The following CASQ2 variants were observed in gnomAD, a reference collection of about 807,000 sequenced individuals.
CASQ2 encodes the protein calsequestrin 2, also known as calsequestrin-2.
CASQ2 carries 49 observed loss-of-function variants against 46.5 expected under a neutral mutation model. The ratio of observed to expected loss-of-function variants is 1.05; its 90% CI spans 0.84 to 1.34. The LOEUF is 1.34. CASQ2 is among the 40% of genes most tolerant of loss of function. The pLI is 0.00. For synonymous variants in CASQ2, 174 were observed against 168.5 expected, an observed-to-expected ratio of 1.03 and a Z score of -0.25; for missense variants, 486 against 481.3, an observed-to-expected ratio of 1.01 and a Z score of -0.09.
At chr1:115,732,761 T>C (rs1647831369) in intron 5 of CASQ2, 140 bp downstream of exon 5, 1 of 691,988 alleles carries the variant, frequency 1.4e-6, no homozygotes, top group Non-Finnish European at 2.7e-6. Context: ...GATTTAGTGA[T>C]ATAATTCTTA....
In CASQ2 at chr1:115,762,852, C is replaced by T. The variant is rs1322460166; in HGVS notation, c.234+5456G>A. ...AGGTAGAAGGGGAAGAGGAAGGAGT[C>T]GATGATTCCTCATCCCAGGCTGGGT... On this transcript the variant is annotated intron_variant, in intron 1 of 10. Coordinates refer to ENST00000261448, the MANE Select transcript of CASQ2 (RefSeq NM_001232.4). Among the ~76,000 whole-genome samples, 6 of 152,044 alleles carry T rather than the reference C, an allele frequency of 3.9e-5. No individual in the cohort carries two copies. In the East Asian group the frequency reaches 1.2e-3, roughly 29 times the overall value.
intron 7 of CASQ2, among the ~76,000 whole-genome samples, chr1:115,721,278 G>A (rs1425928702): frequency 6.6e-6 from 1 of 152,130 alleles, no homozygotes; most frequent in Non-Finnish European, 1.5e-5. Context: ...TCTCCAGGGG[G>A]AATGACAGAT....
At chr1:115,720,601 T>C (rs903720983) in intron 7 of CASQ2, among the ~76,000 whole-genome samples, 2 of 152,168 alleles carry the variant, frequency 1.3e-5, no homozygotes, top group African/African-American at 4.8e-5. Flanking sequence ...GGCTCTTAAG[T>C]TGAAAGAGGC....
At chr1:115,706,209 C>A (rs1436480816) in intron 8 of CASQ2, among the ~76,000 whole-genome samples, 1 of 151,876 alleles carries the variant, frequency 6.6e-6, no homozygotes, top group Admixed American at 6.6e-5. Flanking sequence ...TGTGTGTGCA[C>A]GCGTGCATGT....
At chr1:115,711,292 G>C (rs1437419436) in intron 8 of CASQ2, among the ~76,000 whole-genome samples, 2 of 152,184 alleles carry the variant, frequency 1.3e-5, no homozygotes, top group Non-Finnish European at 2.9e-5. Flanking sequence ...GTGGCAGGTG[G>C]ACAGATAAAC....
At position 115,738,354 on chromosome 1, in the gene CASQ2, AT is replaced by A; in HGVS notation, c.421-20del. On this transcript the variant is annotated intron_variant, in intron 3 of 10. Coordinates refer to ENST00000261448, the MANE Select transcript of CASQ2 (RefSeq NM_001232.4). ...CAATTAGCTGAAATGCCACACGCAC[AT>A]ACACACATGTTCAAACAAGAGATTT... 7.2e-7 allele frequency: 1 copy of A among 1,393,584 alleles called. No homozygotes were observed. The highest frequency in any genetic ancestry group is 1.7e-5 in the Admixed American group (1 of 59,734). 86.3% of individuals were successfully genotyped at this position (1,393,584 alleles called of 1,614,324 possible).
chr1:115,718,156 C>G (rs1019526396), intron 7 of CASQ2, among the ~76,000 whole-genome samples: 1 of 152,170 alleles, frequency 6.6e-6, no homozygotes. Context: ...ACCAACCACA[C>G]GCAAGACATT....
Position 115,701,107 on chromosome 1 carries a change from A to G in CASQ2, c.*134T>C. Reference sequence around the variant, plus strand: ...ATGATGCTGCTCCTGACGCAAAGGGAGTGGGAAAAGAGATGATGGAAAAGG... The same window carrying G: ...ATGATGCTGCTCCTGACGCAAAGGGGGTGGGAAAAGAGATGATGGAAAAGG... On this transcript the variant is annotated 3_prime_UTR_variant, in exon 11 of 11. Transcript: ENST00000261448. The G allele has an allele frequency of 7.5e-7, 1 of 1,337,578 alleles. No homozygotes were observed. The highest frequency in any genetic ancestry group is 1.1e-6 in the Non-Finnish European group (1 of 931,924). 82.9% of individuals were successfully genotyped at this position (1,337,578 alleles called of 1,614,324 possible). A position where few individuals can be genotyped will look rare whatever the true frequency, so the allele number is the denominator to read the frequency against.
At chr1:115,723,154 G>T (rs1647442648) in intron 7 of CASQ2, among the ~76,000 whole-genome samples, 1 of 151,888 alleles carries the variant, frequency 6.6e-6, no homozygotes, top group Non-Finnish European at 1.5e-5. Flanking sequence ...TTTTTCTTTT[G>T]CAGTAAAGGA....
intron 2 of CASQ2, among the ~76,000 whole-genome samples, chr1:115,742,266 CGT>C (rs1648210866): frequency 2.0e-5 from 3 of 151,624 alleles, no homozygotes; most frequent in Non-Finnish European, 4.4e-5. Flanking sequence ...CATGAGACAC[CGT>C]GTCTGGCCCT....
chr1:115,725,705 A>C, intron 6 of CASQ2, 152 bp from the exon 7 acceptor site: 4 of 996,142 alleles, frequency 4.0e-6, no homozygotes, highest in Non-Finnish European at 5.9e-6. Flanking sequence ...TTATCTTCTA[A>C]GGAAACAGAC....
Position 115,758,332 on chromosome 1 carries a change from C to T in CASQ2, c.234+9976G>A, listed in dbSNP as rs1000937735. Among the ~76,000 whole-genome samples, 7 of 152,328 alleles carry T rather than the reference C, an allele frequency of 4.6e-5. No homozygotes were observed. The South Asian group carries it at 1.5e-3, about 32-fold the overall frequency. Reference sequence around the variant, plus strand: ...ATATTGGCATGGTTTATGGTAAGTTCATAATATGTGCTTCTCCCTTCTCCT... The same window carrying T: ...ATATTGGCATGGTTTATGGTAAGTTTATAATATGTGCTTCTCCCTTCTCCT... On this transcript the variant is annotated intron_variant, in intron 1 of 10. Transcript: ENST00000261448.
chr1:115,716,880 T>C (rs1167660641), intron 8 of CASQ2, among the ~76,000 whole-genome samples: 2 of 152,158 alleles, frequency 1.3e-5, no homozygotes, highest in Non-Finnish European at 2.9e-5. Flanking sequence ...AAAAGTGATA[T>C]GGTTTGGATC....
chr1:115,754,533 C>G (rs920609823), intron 1 of CASQ2, among the ~76,000 whole-genome samples: 1 of 152,156 alleles, frequency 6.6e-6, no homozygotes, highest in African/African-American at 2.4e-5. Flanking sequence ...CTACAAAACC[C>G]TCATGAGGTA....
chr1:115,744,435 G>T (rs971469708), intron 2 of CASQ2, among the ~76,000 whole-genome samples: 3 of 152,182 alleles, frequency 2.0e-5, no homozygotes, highest in Admixed American at 6.5e-5. Flanking sequence ...TGCTTCAGCC[G>T]CAAGGCAACG....
At chr1:115,715,448 G>A (rs1413629800) in intron 8 of CASQ2, among the ~76,000 whole-genome samples, 1 of 152,188 alleles carries the variant, frequency 6.6e-6, no homozygotes, top group East Asian at 1.9e-4. Flanking sequence ...AGTGAAAGAT[G>A]CCACACACAA....
chr1:115,754,257 C>T (rs544073863), intron 1 of CASQ2, among the ~76,000 whole-genome samples: 3 of 152,242 alleles, frequency 2.0e-5, no homozygotes, highest in South Asian at 2.1e-4. Context: ...AAGCGAGTAT[C>T]GGGGGCCTCT....
intron 5 of CASQ2, among the ~76,000 whole-genome samples, chr1:115,732,673 C>G (rs760566174): frequency 1.3e-5 from 2 of 152,194 alleles, no homozygotes; most frequent in Non-Finnish European, 2.9e-5. Context: ...TGGGTCATCA[C>G]TTTTCCTTGG....
At chr1:115,746,121 T>C (rs1311818101) in intron 1 of CASQ2, among the ~76,000 whole-genome samples, 2 of 152,056 alleles carry the variant, frequency 1.3e-5, no homozygotes, top group Non-Finnish European at 2.9e-5. Flanking sequence ...AGTGTAATTA[T>C]GTAGAGATTT....
Sources: allele counts gnomAD v4.1 joint callset (sites outside exome capture counted in the v4.1 genomes callset), GRCh38; gene constraint gnomAD v4.1.1; transcripts MANE v1.5; gene names NCBI Gene and HGNC (gene_info 2026-07-23, HGNC 2026-07-21).